The following TDRD7 variants were observed in gnomAD, a reference collection of about 807,000 sequenced individuals.
TDRD7 encodes the protein tudor domain containing 7, also known as tudor domain-containing protein 7.
Under a neutral mutation model 109.8 loss-of-function variants are expected in TDRD7, and 47 were observed. The ratio of observed to expected loss-of-function variants is 0.43; its 90% CI spans 0.34 to 0.55. The LOEUF (loss-of-function observed/expected upper bound fraction) is 0.55. Ranked by LOEUF, TDRD7 falls within the 20% of genes least tolerant of loss-of-function variation. The probability of loss-of-function intolerance (pLI) is 0.03; values close to 1 mark genes in which losing one functional copy is unlikely to be tolerated. For missense variants in TDRD7, 1,164 were observed against 1,319.2 expected (o/e 0.88, Z 1.82); for synonymous variants, 424 against 457.3 (o/e 0.93, Z 0.93).
intron 2 of TDRD7, among the ~76,000 whole-genome samples, chr9:97,429,047 T>G (rs1006982379): frequency 6.6e-6 from 1 of 152,184 alleles, no homozygotes; most frequent in African/African-American, 2.4e-5. Flanking sequence ...CCAAATCTAA[T>G]AGACAGTTTT....
intron 16 of TDRD7, among the ~76,000 whole-genome samples, chr9:97,490,132 T>C (rs1273897908): frequency 6.6e-6 from 1 of 152,052 alleles, no homozygotes; most frequent in Non-Finnish European, 1.5e-5. Flanking sequence ...AATATAAAAG[T>C]TTTACTTTAC....
At chr9:97,428,763 A>G in intron 2 of TDRD7, 91 bp downstream of exon 2, 4 of 1,207,962 alleles carry the variant, frequency 3.3e-6, no homozygotes, top group Middle Eastern at 2.5e-4. Context: ...ATAGACGTCT[A>G]AGTGAAAGTA....
intron 4 of TDRD7, among the ~76,000 whole-genome samples, chr9:97,436,123 A>G (rs960811992): frequency 2.6e-5 from 4 of 152,182 alleles, no homozygotes; most frequent in African/African-American, 9.6e-5. Flanking sequence ...CCTGTAGAAT[A>G]AATTAGTAGA....
At chr9:97,452,979 G>A (rs1403388267) in intron 6 of TDRD7, among the ~76,000 whole-genome samples, 3 of 152,206 alleles carry the variant, frequency 2.0e-5, no homozygotes, top group African/African-American at 7.2e-5. Flanking sequence ...TGGGGACTGG[G>A]AGAGGGGAGA....
chr9:97,481,664 T>A (rs1460105681), intron 14 of TDRD7, among the ~76,000 whole-genome samples: 2 of 152,254 alleles, frequency 1.3e-5, no homozygotes, highest in Non-Finnish European at 2.9e-5. Context: ...TACAATTACA[T>A]GCTTAATTAT....
chr9:97,419,823 A>C (rs144236585), intron 1 of TDRD7, among the ~76,000 whole-genome samples: 46 of 152,210 alleles, frequency 3.0e-4, no homozygotes, highest in African/African-American at 6.5e-4. Context: ...TCCCAGTACC[A>C]GTAGACAGGG....
chr9:97,447,325 T>C (rs1188709889), intron 6 of TDRD7, among the ~76,000 whole-genome samples: 1 of 152,192 alleles, frequency 6.6e-6, no homozygotes, highest in Non-Finnish European at 1.5e-5. Context: ...CACAATCTAC[T>C]CTAAAATGTC....
chr9:97,485,433 T>G (rs1457614387), intron 15 of TDRD7, among the ~76,000 whole-genome samples: 1 of 152,232 alleles, frequency 6.6e-6, no homozygotes, highest in Non-Finnish European at 1.5e-5. Flanking sequence ...ATCAGTTTTC[T>G]GGGACTCTCT....
intron 6 of TDRD7, among the ~76,000 whole-genome samples, chr9:97,450,529 C>T (rs1401324897): frequency 6.6e-6 from 1 of 152,102 alleles, no homozygotes; most frequent in African/African-American, 2.4e-5. Context: ...TTGTGAAGAC[C>T]ATAAGATGGC....
chr9:97,444,701 C>CT (rs1828369477), intron 6 of TDRD7, among the ~76,000 whole-genome samples: 1 of 152,004 alleles, frequency 6.6e-6, no homozygotes, highest in Non-Finnish European at 1.5e-5. Flanking sequence ...CAGTGTATTT[C>CT]TTTTTTTAAG....
At chr9:97,487,357 A>C (rs1193723843) in intron 16 of TDRD7, 25 bp downstream of exon 16, 1 of 1,613,776 alleles carries the variant, frequency 6.2e-7, no homozygotes, top group Non-Finnish European at 8.5e-7. Context: ...ATCTGAACTC[A>C]TGCTACAACA....
chr9:97,480,777 C>G (rs772495557), intron 13 of TDRD7, 51 bp from the exon 14 acceptor site: 2 of 1,375,034 alleles, frequency 1.5e-6, no homozygotes, highest in African/African-American at 2.9e-5. Context: ...TTACTCATAA[C>G]TAGGTATTTT....
At chr9:97,457,800 G>T (rs542175799) in intron 6 of TDRD7, among the ~76,000 whole-genome samples, 2 of 152,308 alleles carry the variant, frequency 1.3e-5, no homozygotes, top group South Asian at 4.1e-4. Flanking sequence ...ATACCATGCA[G>T]CCATAGAAAG....
rs762540821 is a variant in TDRD7 at position 97,413,625 on chromosome 9, ACATT to A, written c.-7+1392_-7+1395del. On this transcript the variant is annotated intron_variant, in intron 1 of 16. Coordinates refer to ENST00000355295, the MANE Select transcript of TDRD7 (RefSeq NM_014290.3). ...ATATTTTTGCATTTCCTCTCAGCTG[ACATT>A]CATTGAGCATCAGTTACGTGCAAAG... Among the ~76,000 whole-genome samples the A allele has an allele frequency of 2.0e-5, 3 of 152,332 alleles. No homozygotes were observed. The East Asian group carries it at 5.8e-4, about 29-fold the overall frequency.
At chr9:97,422,118 G>A (rs920982824) in intron 1 of TDRD7, among the ~76,000 whole-genome samples, 27 of 152,206 alleles carry the variant, frequency 1.8e-4, no homozygotes, top group African/African-American at 5.3e-4. Flanking sequence ...TTACTAGGCC[G>A]GAGGTGGCTC....
chr9:97,468,089 G>C (rs1828847978), intron 8 of TDRD7, among the ~76,000 whole-genome samples: 1 of 152,248 alleles, frequency 6.6e-6, no homozygotes, highest in African/African-American at 2.4e-5. Context: ...ATAGCTATCA[G>C]ATGTCACATG....
At chr9:97,484,281 C>A (rs1247774016) in intron 15 of TDRD7, among the ~76,000 whole-genome samples, 3 of 152,224 alleles carry the variant, frequency 2.0e-5, no homozygotes, top group Admixed American at 6.5e-5. Context: ...ACCCTCCTCC[C>A]CAAAGCCCTG....
At chr9:97,425,023 C>T (rs971362652) in intron 1 of TDRD7, among the ~76,000 whole-genome samples, 2 of 152,084 alleles carry the variant, frequency 1.3e-5, no homozygotes, top group African/African-American at 4.8e-5. Context: ...AATGACACTA[C>T]AGCGCCTCAT....
chr9:97,481,115 A>G (rs1829108554), intron 14 of TDRD7, among the ~76,000 whole-genome samples, 177 bp downstream of exon 14: 1 of 152,212 alleles, frequency 6.6e-6, no homozygotes, highest in Non-Finnish European at 1.5e-5. Context: ...TTATGGTTTA[A>G]TTCTTATTTA....
Sources: allele counts gnomAD v4.1 joint callset (sites outside exome capture counted in the v4.1 genomes callset), GRCh38; gene constraint gnomAD v4.1.1; transcripts MANE v1.5; gene names NCBI Gene and HGNC (gene_info 2026-07-23, HGNC 2026-07-21).